The following PDE4B variants were observed in gnomAD, a reference collection of about 807,000 sequenced individuals.
The protein encoded by PDE4B is phosphodiesterase 4B, also known as 3',5'-cyclic-AMP phosphodiesterase 4B.
A neutral mutation model predicts 82.2 loss-of-function variants in PDE4B; 20 were observed. The observed-to-expected ratio is 0.24, with a 90% confidence interval of 0.17 to 0.35. The LOEUF is 0.35. PDE4B is among the 10% of genes least tolerant of loss of function. PDE4B has a pLI of 1.00. For synonymous variants in PDE4B, 320 were observed against 318.9 expected, an observed-to-expected ratio of 1.00 and a Z score of -0.04; for missense variants, 655 against 907.2, an observed-to-expected ratio of 0.72 and a Z score of 3.57.
At chr1:66,145,541 C>G (rs951975342) in intron 3 of PDE4B, among the ~76,000 whole-genome samples, 2 of 152,086 alleles carry the variant, frequency 1.3e-5, no homozygotes, top group Non-Finnish European at 2.9e-5. Flanking sequence ...AAAACATAGG[C>G]CTTTTCTGGG....
At chr1:65,875,810 G>A (rs1646633964) in intron 1 of PDE4B, among the ~76,000 whole-genome samples, 1 of 121,054 alleles carries the variant, frequency 8.3e-6, no homozygotes, top group East Asian at 3.0e-4. Context: ...GTGGGGTGGG[G>A]GGAGGGGGGA....
intron 1 of PDE4B, among the ~76,000 whole-genome samples, chr1:65,809,381 A>G (rs1645794150): frequency 6.6e-6 from 1 of 151,406 alleles, no homozygotes; most frequent in Admixed American, 6.6e-5. Context: ...CGAATTCAGA[A>G]GATGCATCAA....
At chr1:66,347,121 C>A (rs1483809680) in intron 8 of PDE4B, among the ~76,000 whole-genome samples, 3 of 152,156 alleles carry the variant, frequency 2.0e-5, no homozygotes, top group African/African-American at 7.2e-5. Flanking sequence ...GGCAAACCTG[C>A]AACCAGCACT....
chr1:66,135,031 A>G (rs1646028470), intron 3 of PDE4B, among the ~76,000 whole-genome samples: 1 of 152,210 alleles, frequency 6.6e-6, no homozygotes, highest in South Asian at 2.1e-4. Context: ...GTCTTATAGG[A>G]TGAAGAATTT....
intron 3 of PDE4B, among the ~76,000 whole-genome samples, chr1:66,199,366 G>C (rs1347000361): frequency 6.6e-6 from 1 of 152,162 alleles, no homozygotes; most frequent in Non-Finnish European, 1.5e-5. Context: ...GGCCAGTGAT[G>C]ATGAGCATTT....
chr1:65,825,619 G>A (rs998164869), intron 1 of PDE4B, among the ~76,000 whole-genome samples: 2 of 151,998 alleles, frequency 1.3e-5, no homozygotes, highest in Admixed American at 1.3e-4. Context: ...GCTGAGGCAA[G>A]CAGTTCGCTT....
chr1:65,966,202 T>C (rs1397436260), intron 3 of PDE4B, among the ~76,000 whole-genome samples: 1 of 152,140 alleles, frequency 6.6e-6, no homozygotes, highest in Non-Finnish European at 1.5e-5. Context: ...CAGCAAAGTC[T>C]CAGGATATAA....
chr1:65,824,698 T>C (rs1254402213), intron 1 of PDE4B, among the ~76,000 whole-genome samples: 1 of 151,598 alleles, frequency 6.6e-6, no homozygotes, highest in Non-Finnish European at 1.5e-5. Context: ...ACCAATAAAT[T>C]CTCTGATGTG....
At chr1:66,186,847 C>T (rs550661589) in intron 3 of PDE4B, among the ~76,000 whole-genome samples, 16 of 152,228 alleles carry the variant, frequency 1.1e-4, no homozygotes, top group East Asian at 5.8e-4. Flanking sequence ...CCTAATTGCC[C>T]GGGCCAGAGC....
At chr1:66,130,890 A>C (rs1349615424) in intron 3 of PDE4B, among the ~76,000 whole-genome samples, 1 of 152,216 alleles carries the variant, frequency 6.6e-6, no homozygotes, top group Non-Finnish European at 1.5e-5. Context: ...CAAATCTTAA[A>C]GATTCAGATT....
chr1:66,226,918 G>T (rs1181016404), intron 3 of PDE4B, among the ~76,000 whole-genome samples: 1 of 152,196 alleles, frequency 6.6e-6, no homozygotes, highest in East Asian at 1.9e-4. Context: ...CTTGAGTGAG[G>T]TTTGGAACTA....
At position 65,913,234 on chromosome 1, in the gene PDE4B, T is replaced by C; in HGVS notation, c.-70-11T>C. On this transcript the variant is annotated splice_polypyrimidine_tract_variant and intron_variant, in intron 1 of 16. Coordinates refer to ENST00000341517, the MANE Select transcript of PDE4B (RefSeq NM_002600.4). Reference sequence around the variant, plus strand: ...GAGCTGTTCTTTTTTGTGTGTTTTTTTCTCCTGTAGGTATTAAAAAGTGTC... The same window carrying C: ...GAGCTGTTCTTTTTTGTGTGTTTTTCTCTCCTGTAGGTATTAAAAAGTGTC... 8.3e-7 allele frequency: 1 copy of C among 1,206,856 alleles called. No individual in the cohort carries two copies. The highest frequency in any genetic ancestry group is 1.2e-6 in the Non-Finnish European group (1 of 817,402). 74.8% of individuals were successfully genotyped at this position (1,206,856 alleles called of 1,614,324 possible). A position where few individuals can be genotyped will look rare whatever the true frequency, so the allele number is the denominator to read the frequency against.
At chr1:65,955,287 A>C (rs1182796644) in intron 3 of PDE4B, among the ~76,000 whole-genome samples, 1 of 152,146 alleles carries the variant, frequency 6.6e-6, no homozygotes. Flanking sequence ...TGTTCTGAGG[A>C]CTGGGAAGAG....
chr1:65,862,765 T>TCA (rs1421496638), intron 1 of PDE4B, among the ~76,000 whole-genome samples: 3 of 152,204 alleles, frequency 2.0e-5, no homozygotes, highest in African/African-American at 7.2e-5. Flanking sequence ...GGCTTCTTCC[T>TCA]GGTTTAATCT....
chr1:65,915,260 T>C (rs1044376492), intron 2 of PDE4B, among the ~76,000 whole-genome samples: 20 of 152,320 alleles, frequency 1.3e-4, no homozygotes, highest in African/African-American at 4.6e-4. Flanking sequence ...ACTCTTGTAA[T>C]TGATGGTGAC....
chr1:65,889,576 T>C (rs1646830435), intron 1 of PDE4B, among the ~76,000 whole-genome samples: 1 of 152,154 alleles, frequency 6.6e-6, no homozygotes, highest in Admixed American at 6.6e-5. Context: ...ATGAAGTATG[T>C]TTGGAATTGA....
chr1:66,184,702 A>G (rs960955274), intron 3 of PDE4B, among the ~76,000 whole-genome samples: 1 of 152,198 alleles, frequency 6.6e-6, no homozygotes, highest in African/African-American at 2.4e-5. Flanking sequence ...CACACTTGGC[A>G]AAGCACCAAG....
chr1:65,880,307 A>G (rs1646695109), intron 1 of PDE4B, among the ~76,000 whole-genome samples: 1 of 152,192 alleles, frequency 6.6e-6, no homozygotes, highest in Non-Finnish European at 1.5e-5. Flanking sequence ...AATGTAATAT[A>G]AATCTTTTAA....
intron 3 of PDE4B, among the ~76,000 whole-genome samples, chr1:66,160,377 A>G (rs1223990629): frequency 6.6e-6 from 1 of 152,196 alleles, no homozygotes; most frequent in Non-Finnish European, 1.5e-5. Context: ...GCTATTTGAC[A>G]CTTGCAATTG....
Sources: gnomAD v4.1 joint callset for allele counts (sites outside exome capture counted in the v4.1 genomes callset) on GRCh38, gnomAD v4.1.1 for gene constraint, MANE v1.5 for transcripts, NCBI Gene and HGNC (gene_info 2026-07-23, HGNC 2026-07-21) for gene names.